The following ADAMTSL1 variants were observed in gnomAD, a reference collection of about 807,000 sequenced individuals.
ADAMTSL1 encodes ADAMTS-like protein 1.
ADAMTSL1 carries 126 observed loss-of-function variants against 201.8 expected under a neutral mutation model. The ratio of observed to expected loss-of-function variants is 0.62; its 90% CI spans 0.54 to 0.72. The LOEUF is 0.72. Among genes scored for constraint, ADAMTSL1 ranks in the 30% least tolerant of loss-of-function variants. The pLI, the probability that ADAMTSL1 is intolerant of heterozygous loss-of-function variation, is 0.00. For missense variants in ADAMTSL1, 2,679 were observed against 2,277.8 expected, an observed-to-expected ratio of 1.18 and a Z score of -3.59; for synonymous variants, 1,121 against 903.4, an observed-to-expected ratio of 1.24 and a Z score of -4.32.
chr9:18,441,976 G>A (rs1173848923), intron 2 of ADAMTSL1, among the ~76,000 whole-genome samples: 1 of 152,222 alleles, frequency 6.6e-6, no homozygotes, highest in South Asian at 2.1e-4. Context: ...CCACTAAATG[G>A]CTACTTTGGG....
intron 5 of ADAMTSL1, among the ~76,000 whole-genome samples, chr9:18,625,697 A>G (rs931970620): frequency 1.3e-5 from 2 of 152,196 alleles, no homozygotes; most frequent in Admixed American, 6.5e-5. Flanking sequence ...ATATTTTCCA[A>G]GTATACTCAG....
intron 2 of ADAMTSL1, among the ~76,000 whole-genome samples, chr9:18,284,145 C>T (rs1386301955): frequency 2.0e-5 from 3 of 151,726 alleles, no homozygotes; most frequent in Non-Finnish European, 4.4e-5. Context: ...AGGAGAATTG[C>T]TCGAACCTGG....
intron 2 of ADAMTSL1, among the ~76,000 whole-genome samples, chr9:18,344,943 G>T (rs1396031409): frequency 6.6e-6 from 1 of 152,126 alleles, no homozygotes; most frequent in Non-Finnish European, 1.5e-5. Context: ...CCCTCGGGAG[G>T]CCCTCTTTTG....
chr9:18,775,833 A>T lies in ADAMTSL1; in HGVS notation c.2488A>T (p.Thr830Ser), dbSNP rs762296207. 6.3e-7 allele frequency: 1 copy of T among 1,597,254 alleles called. No individual in the cohort carries two copies. The highest frequency in any genetic ancestry group is 8.5e-7 in the Non-Finnish European group (1 of 1,169,850). ...KTGLSTVVNSTLCPPLPFSSS... is the reference protein window; with the variant it reads ...KTGLSTVVNSSLCPPLPFSSS... ...CGGCCTCTCAACGGTTGTCAATTCC[A>T]CCCTGTGCCCGCCCCTGCCTTTCTC... The change falls in exon 18 of 29, where the codon ACC (threonine) becomes TCC (serine). Residue 830 changes from threonine to serine, a missense_variant. By Grantham distance (58) the Thr-to-Ser change is moderately conservative (BLOSUM62 1). Coordinates refer to ENST00000380548, the MANE Select transcript of ADAMTSL1 (RefSeq NM_001040272.6).
chr9:18,254,439 T>C lies in ADAMTSL1; in HGVS notation c.207+90458T>C, dbSNP rs561871995. The stretch of plus-strand genomic sequence containing the variant: ...GTACAGTGGCGCGATCTCAGCTCAC[T>C]GCAAGCTCCACCTCCCGGGTTCACG... On this transcript the variant is annotated intron_variant, in intron 2 of 29. Coordinates refer to the ADAMTSL1 transcript ENST00000680146. 3.3e-3 allele frequency among the ~76,000 whole-genome samples: 419 copies of C among 126,380 alleles called. 1 individual carries two copies. Among genetic ancestry groups the C allele is most frequent in the African/African-American group, 0.012 (401 of 33,394 alleles). 82.9% of individuals were successfully genotyped at this position (126,380 alleles called of 152,430 possible). A position where few individuals can be genotyped will look rare whatever the true frequency, so the allele number is the denominator to read the frequency against.
At chr9:18,557,558 A>T (rs934102124) in intron 3 of ADAMTSL1, among the ~76,000 whole-genome samples, 4 of 152,002 alleles carry the variant, frequency 2.6e-5, no homozygotes, top group African/African-American at 4.8e-5. Context: ...TTGATTAGAT[A>T]TATTGCCAGG....
intron 14 of ADAMTSL1, among the ~76,000 whole-genome samples, chr9:18,717,190 C>G (rs911120359): frequency 5.4e-4 from 81 of 149,558 alleles, no homozygotes; most frequent in African/African-American, 1.9e-3. Context: ...ACCTATGTAA[C>G]TAACCTGCAC....
At chr9:17,984,091 G>T (rs1004621126) in intron 1 of ADAMTSL1, among the ~76,000 whole-genome samples, 3 of 152,118 alleles carry the variant, frequency 2.0e-5, no homozygotes, top group Admixed American at 2.0e-4. Flanking sequence ...CCACAGATGG[G>T]ATTTTTGTGT....
intron 2 of ADAMTSL1, among the ~76,000 whole-genome samples, chr9:18,339,324 A>T (rs996939197): frequency 1.3e-5 from 2 of 152,210 alleles, no homozygotes; most frequent in African/African-American, 4.8e-5. Flanking sequence ...AAAAGATGAC[A>T]TATATGTGGT....
intron 1 of ADAMTSL1, among the ~76,000 whole-genome samples, chr9:17,988,070 T>C (rs997559273): frequency 6.6e-6 from 1 of 152,136 alleles, no homozygotes; most frequent in African/African-American, 2.4e-5. Context: ...CTGGTGTTGA[T>C]TGCTGGTTCC....
rs1563895037 is a variant in ADAMTSL1 at position 18,892,379 on chromosome 9, C to T, written c.4644-10C>T. ...TTTAGGGCTCTCCTGACACTTCTTC[C>T]TCTCCCCAGGTGGATGGTGACCTCC... On this transcript the variant is annotated splice_polypyrimidine_tract_variant and intron_variant, in intron 25 of 28. Transcript: ENST00000380548. The T allele has an allele frequency of 6.2e-7, 1 of 1,609,112 alleles. No individual in the cohort carries two copies. The highest frequency in any genetic ancestry group is 8.5e-7 in the Non-Finnish European group (1 of 1,178,176).
chr9:18,646,487 C>G (rs867572961), intron 7 of ADAMTSL1, among the ~76,000 whole-genome samples: 7 of 151,064 alleles, frequency 4.6e-5, no homozygotes, highest in East Asian at 3.9e-4. Flanking sequence ...AGGGAATGCT[C>G]CCAGTTTTTG....
At chr9:18,420,888 G>A (rs1362495402) in intron 2 of ADAMTSL1, among the ~76,000 whole-genome samples, 2 of 152,210 alleles carry the variant, frequency 1.3e-5, no homozygotes, top group African/African-American at 4.8e-5. Flanking sequence ...TCCCAGTTGA[G>A]TAGAAAATTA....
intron 1 of ADAMTSL1, among the ~76,000 whole-genome samples, chr9:17,984,494 A>G (rs1818843697): frequency 1.3e-5 from 2 of 152,098 alleles, no homozygotes; most frequent in Non-Finnish European, 2.9e-5. Context: ...GTATCCCATT[A>G]TAGGGATTTA....
At chr9:18,802,964 C>G (rs1024281506) in intron 20 of ADAMTSL1, among the ~76,000 whole-genome samples, 5 of 152,170 alleles carry the variant, frequency 3.3e-5, no homozygotes, top group African/African-American at 1.2e-4. Context: ...CTAATGATGT[C>G]AGGCATCTTA....
chr9:18,770,086 A>AG (rs921410882), intron 16 of ADAMTSL1, among the ~76,000 whole-genome samples: 1 of 152,156 alleles, frequency 6.6e-6, no homozygotes, highest in Admixed American at 6.5e-5. Context: ...AGAGTATTCC[A>AG]GGGGGGTCCT....
At chr9:18,590,409 T>A (rs958445750) in intron 4 of ADAMTSL1, among the ~76,000 whole-genome samples, 2 of 152,080 alleles carry the variant, frequency 1.3e-5, no homozygotes, top group African/African-American at 4.8e-5. Context: ...CTCTATTTTT[T>A]TCTTTGTTAG....
chr9:18,105,919 A>C (rs1053144109), intron 1 of ADAMTSL1, among the ~76,000 whole-genome samples: 1 of 152,224 alleles, frequency 6.6e-6, no homozygotes, highest in Non-Finnish European at 1.5e-5. Flanking sequence ...CAAATAACTC[A>C]GCCGAAGAAC....
chr9:18,801,588 A>G (rs867584629), intron 20 of ADAMTSL1, among the ~76,000 whole-genome samples: 7 of 152,104 alleles, frequency 4.6e-5, no homozygotes, highest in Admixed American at 1.3e-4. Flanking sequence ...GTGTTCATGA[A>G]TTCTCATCAT....
Sources: gnomAD v4.1 joint callset for allele counts (sites outside exome capture counted in the v4.1 genomes callset) on GRCh38, gnomAD v4.1.1 for gene constraint, MANE v1.5 for transcripts, NCBI Gene and HGNC (gene_info 2026-07-23, HGNC 2026-07-21) for gene names.